CYTH3: variants seen among roughly 807,000 people sequenced by gnomAD.
CYTH3 encodes cytohesin-3.
Under a neutral mutation model 55.1 loss-of-function variants are expected in CYTH3, and 23 were observed. The observed-to-expected ratio is 0.42, with a 90% CI of 0.30 to 0.59. CYTH3 has a LOEUF of 0.59. CYTH3 is among the 20% of genes least tolerant of loss of function. The pLI is 0.20. For synonymous variants in CYTH3, 249 were observed against 194.9 expected, an observed-to-expected ratio of 1.28 and a Z score of -2.31; for missense variants, 413 against 524.8, an observed-to-expected ratio of 0.79 and a Z score of 2.08.
chr7:6,172,951 C>T (rs555441803), intron 6 of CYTH3: 6 of 1,155,466 alleles, frequency 5.2e-6, no homozygotes, highest in East Asian at 7.6e-5. Flanking sequence ...TAAACGAGAA[C>T]AAGGTATGAA....
At chr7:6,185,426 TG>T (rs771228875) in intron 4 of CYTH3, among the ~76,000 whole-genome samples, 23 of 150,836 alleles carry the variant, frequency 1.5e-4, no homozygotes, top group South Asian at 8.4e-4. Flanking sequence ...CCGGGTGCAC[TG>T]GGCTCACGCC....
chr7:6,209,478 T>A (rs1183095535), intron 1 of CYTH3, among the ~76,000 whole-genome samples: 1 of 152,118 alleles, frequency 6.6e-6, no homozygotes, highest in Non-Finnish European at 1.5e-5. Context: ...CCAGAAGCTG[T>A]CGTTGGCGGT....
intron 1 of CYTH3, among the ~76,000 whole-genome samples, chr7:6,265,650 T>C (rs1013419500): frequency 6.7e-6 from 1 of 150,056 alleles, no homozygotes; most frequent in African/African-American, 2.5e-5. Flanking sequence ...AAGAAGAACT[T>C]GCAGCCCCTA....
At position 6,177,879 on chromosome 7, in the gene CYTH3, G is replaced by T. The variant is rs1318248443; in HGVS notation, c.312C>A (p.Phe104Leu). ...TATTTAGGCCTTCTCCTTTATAAAG[G>T]AACTGGGCGACGTCTTCTGGGGAAC... ...LQSSPEDVAQ[F>L]LYKGEGLNKT... The change falls in exon 5 of 13, where the codon TTC becomes TTA. Residue 104 changes from phenylalanine (F) to leucine (L), a missense_variant. Physicochemically the swap from Phe to Leu is conservative, Grantham distance 22. Coordinates refer to ENST00000350796, the MANE Select transcript of CYTH3 (RefSeq NM_004227.4). The T allele has an allele frequency of 6.2e-7, 1 of 1,614,148 alleles. No individual in the cohort carries two copies.
intron 1 of CYTH3, among the ~76,000 whole-genome samples, chr7:6,213,966 A>G (rs965945011): frequency 1.3e-5 from 2 of 152,178 alleles, no homozygotes; most frequent in African/African-American, 4.8e-5. Flanking sequence ...AGGCTCATGG[A>G]GTGCAGGGAA....
chr7:6,184,049 C>CT (rs60634853), intron 4 of CYTH3, among the ~76,000 whole-genome samples: 11,576 of 46,334 alleles, frequency 0.25, 4,608 homozygotes, highest in Non-Finnish European at 0.36. Context: ...CCCTCTGTGG[C>CT]TTTTTTTTTT....
chr7:6,186,198 C>T (rs911551076), intron 4 of CYTH3, among the ~76,000 whole-genome samples: 61 of 146,030 alleles, frequency 4.2e-4, no homozygotes, highest in Admixed American at 1.6e-3. Flanking sequence ...GAGCCAAGAT[C>T]GTGCCACTGC....
At chr7:6,249,188 T>C (rs1356379145) in intron 1 of CYTH3, among the ~76,000 whole-genome samples, 1 of 152,212 alleles carries the variant, frequency 6.6e-6, no homozygotes, top group African/African-American at 2.4e-5. Context: ...GTTCACTATG[T>C]TCTGTGTTTG....
chr7:6,222,049 C>G (rs968268971), intron 1 of CYTH3, among the ~76,000 whole-genome samples: 15 of 152,206 alleles, frequency 9.9e-5, no homozygotes, highest in African/African-American at 3.6e-4. Context: ...GACAGAAGGA[C>G]TTACACATCT....
chr7:6,249,215 A>G (rs1424772909), intron 1 of CYTH3, among the ~76,000 whole-genome samples: 1 of 152,154 alleles, frequency 6.6e-6, no homozygotes, highest in Non-Finnish European at 1.5e-5. Context: ...CAGCTTGTCC[A>G]CTGGAGGGCT....
intron 9 of CYTH3, among the ~76,000 whole-genome samples, chr7:6,168,238 T>C (rs1019417560): frequency 6.6e-6 from 1 of 151,456 alleles, no homozygotes; most frequent in African/African-American, 2.4e-5. Context: ...TTTTTTTTTT[T>C]TCTGGTGATT....
intron 1 of CYTH3, among the ~76,000 whole-genome samples, chr7:6,263,442 A>C (rs1693692711): frequency 6.6e-6 from 1 of 152,192 alleles, no homozygotes; most frequent in South Asian, 2.1e-4. Flanking sequence ...AGGGGAGAGA[A>C]GACTAGGGAG....
chr7:6,173,139 G>A (rs1010685777), intron 6 of CYTH3: 2 of 906,438 alleles, frequency 2.2e-6, no homozygotes, highest in Admixed American at 5.6e-5. Context: ...CACCAAGGAA[G>A]GAAGCGAGAC....
At chr7:6,257,476 T>C (rs963413434) in intron 1 of CYTH3, among the ~76,000 whole-genome samples, 4 of 152,246 alleles carry the variant, frequency 2.6e-5, no homozygotes, top group Admixed American at 1.3e-4. Context: ...CTTTGATTAC[T>C]GCATACTTCT....
At chr7:6,256,229 T>C (rs1419456733) in intron 1 of CYTH3, among the ~76,000 whole-genome samples, 1 of 152,212 alleles carries the variant, frequency 6.6e-6, no homozygotes, top group African/African-American at 2.4e-5. Flanking sequence ...CAGCAAGTCC[T>C]GAGACTCGAG....
rs117077867 is a variant in CYTH3, at chr7:6,209,363, T to C, written c.35-18832A>G. Among the ~76,000 whole-genome samples the C allele has an allele frequency of 5.9e-4, 90 of 152,316 alleles. 1 individual carries two copies. The East Asian group carries it at 0.016, about 27-fold the overall frequency. On this transcript the variant is annotated intron_variant, in intron 1 of 12. Coordinates refer to ENST00000350796, the MANE Select transcript of CYTH3 (RefSeq NM_004227.4). Reference sequence around the variant, plus strand: ...ACGATGAATATGTTGACCTCAGTCATGAAAAACTAGTAATAGACATTGAGA... The same window carrying C: ...ACGATGAATATGTTGACCTCAGTCACGAAAAACTAGTAATAGACATTGAGA...
chr7:6,272,410 G>GGGGGGGGGGCCCCCCCCCCCCCCCCC, intron 1 of CYTH3, 64 bp downstream of exon 1: 1 of 1,216,618 alleles, frequency 8.2e-7, no homozygotes, highest in Non-Finnish European at 1.1e-6. Context: ...CCGCGCCCTC[G>GGGGGGGGGGCCCCCCCCCCCCCCCCC]ACCCCCAGCC....
intron 1 of CYTH3, among the ~76,000 whole-genome samples, chr7:6,250,247 T>C (rs1779928095): frequency 6.6e-6 from 1 of 152,204 alleles, no homozygotes; most frequent in Non-Finnish European, 1.5e-5. Context: ...ATGATTCTAC[T>C]CCAGATGCAA....
chr7:6,204,766 C>T (rs1055189947), intron 1 of CYTH3, among the ~76,000 whole-genome samples: 3 of 152,214 alleles, frequency 2.0e-5, no homozygotes, highest in Admixed American at 6.5e-5. Flanking sequence ...GCTCAAAATA[C>T]TTAGAGTGCT....
Sources: allele counts gnomAD v4.1 joint callset (sites outside exome capture counted in the v4.1 genomes callset), GRCh38; gene constraint gnomAD v4.1.1; transcripts MANE v1.5; gene names NCBI Gene and HGNC (gene_info 2026-07-23, HGNC 2026-07-21).